CEP72: variants seen among roughly 807,000 people sequenced by gnomAD.
CEP72 encodes the protein centrosomal protein of 72 kDa.
A neutral mutation model predicts 65.7 loss-of-function variants in CEP72; 78 were observed. The observed-to-expected ratio is 1.19, with a 90% CI of 0.99 to 1.43. The LOEUF (loss-of-function observed/expected upper bound fraction) is 1.43. Among genes scored for constraint, CEP72 ranks in the 40% most tolerant of loss-of-function variants. The pLI is 0.00. For missense variants in CEP72, 914 were observed against 832.9 expected (o/e 1.10, Z -1.20); for synonymous variants, 358 against 351.7 (o/e 1.02, Z -0.20).
chr5:675,383 CGCAGAGGGTGCAGT>C, the CEP72 span, among the ~76,000 whole-genome samples: 1 of 59,032 alleles, frequency 1.7e-5, no homozygotes, highest in Non-Finnish European at 3.0e-5. Context: ...GGGGGTGCAG[CGCAGAGGGTGCAGT>C]GTGGCCAGGG....
At chr5:643,956 A>G (rs1390343961) in intron 9 of CEP72, among the ~76,000 whole-genome samples, 1 of 152,214 alleles carries the variant, frequency 6.6e-6, no homozygotes. Context: ...TGGAAGAGAC[A>G]GGGTTCCCCC....
chr5:634,306 C>A (rs1737439566), intron 5 of CEP72, among the ~76,000 whole-genome samples: 1 of 152,162 alleles, frequency 6.6e-6, no homozygotes, highest in African/African-American at 2.4e-5. Flanking sequence ...TGCAGGAAAC[C>A]CTGAGCTCAG....
intron 4 of CEP72, among the ~76,000 whole-genome samples, chr5:626,479 T>C (rs1736766633): frequency 6.6e-6 from 1 of 152,360 alleles, no homozygotes; most frequent in East Asian, 1.9e-4. Context: ...ATCTATGATG[T>C]GATCTTGTGA....
At chr5:661,430 C>T (rs1161260244), downstream of CEP72, 3 of 152,466 alleles carry the variant, frequency 2.0e-5, no homozygotes, top group East Asian at 5.6e-4. Context: ...TCACCCCCGA[C>T]AGAACCTGTC....
At chr5:613,681 T>C (rs566894046) in intron 1 of CEP72, among the ~76,000 whole-genome samples, 1 of 152,266 alleles carries the variant, frequency 6.6e-6, no homozygotes, top group East Asian at 1.9e-4. Flanking sequence ...GCTGGGGGTT[T>C]TAGAGGAACA....
At chr5:641,272 C>G in intron 9 of CEP72, 2 of 985,434 alleles carry the variant, frequency 2.0e-6, no homozygotes, top group Non-Finnish European at 2.4e-6. Context: ...TGCTGGCATC[C>G]TTAGCACAGG....
exon 3 of CEP72, chr5:665,205 C>T: frequency 6.2e-7 from 1 of 1,613,922 alleles, no homozygotes; most frequent in South Asian, 1.1e-5. Context: ...CTTGCCCTTG[C>T]CCTTGCCAGA....
At chr5:617,085 C>T (rs531416517) in intron 1 of CEP72, among the ~76,000 whole-genome samples, 50 of 152,186 alleles carry the variant, frequency 3.3e-4, no homozygotes, top group African/African-American at 9.9e-4. Context: ...AGCAGGCTTA[C>T]GGTTTTTGGT....
chr5:672,954 C>T, the CEP72 span, among the ~76,000 whole-genome samples: 4 of 152,214 alleles, frequency 2.6e-5, no homozygotes, highest in Non-Finnish European at 5.9e-5. Flanking sequence ...CTCGCAGATA[C>T]CCCGAGCTGG....
At chr5:665,650 C>G (rs1378536714) in intron 3 of CEP72, among the ~76,000 whole-genome samples, 1 of 125,698 alleles carries the variant, frequency 8.0e-6, no homozygotes, top group South Asian at 2.5e-4. Context: ...CTCCCCAGGA[C>G]CCCCCCAGGC....
downstream of CEP72, among the ~76,000 whole-genome samples, chr5:671,686 C>A (rs547635518): frequency 1.3e-5 from 2 of 152,240 alleles, no homozygotes; most frequent in Non-Finnish European, 2.9e-5. Flanking sequence ...CAGCCACAGA[C>A]GTCCATGGCC....
chr5:664,968 C>A, intron 2 of CEP72: 1 of 1,075,874 alleles, frequency 9.3e-7, no homozygotes. Context: ...AGGCCTGGGC[C>A]TGGCCGCCCC....
At position 665,432 on chromosome 5, in the gene CEP72, C is replaced by T; in HGVS notation, n.433+107C>T. ...GGGCATAAACCCTGGGATTTATGCC[C>T]CTTTTAATTCTTATTTTTACCTCTC... is the stretch of plus-strand genomic sequence containing the variant. On this transcript the variant is annotated intron_variant and non_coding_transcript_variant, in intron 3 of 4. Coordinates refer to the CEP72 transcript ENST00000514507. 7.6e-6 allele frequency: 6 copies of T among 786,944 alleles called. No homozygotes were observed. In the South Asian group the frequency reaches 1.1e-4, roughly 14 times the overall value. 48.7% of individuals were successfully genotyped at this position (786,944 alleles called of 1,614,324 possible).
At chr5:665,058 C>A in intron 2 of CEP72, 1 of 1,582,172 alleles carries the variant, frequency 6.3e-7, no homozygotes, top group South Asian at 1.1e-5. Context: ...GACAGAGTCC[C>A]TGCTCTGGGG....
rs1318488410 is a variant in CEP72, at chr5:637,626, T to C, written c.1014T>C (p.Pro338=). ...GAAAGTGCAGGAAGCGAAGAATGCCTGTTGGAAGATTCCAGACGTTTTCGG... is the reference window on the plus strand; with the variant it reads ...GAAAGTGCAGGAAGCGAAGAATGCCCGTTGGAAGATTCCAGACGTTTTCGG... The part of the protein sequence containing the change: ...APGKCRKRRM[P]VGRFQTFSDQ... Residue 338 remains proline, a synonymous_variant, in exon 7 of 12, where the codon CCT becomes CCC. Coordinates refer to ENST00000264935, the MANE Select transcript of CEP72 (RefSeq NM_018140.4). 2 of 1,613,934 alleles carry C rather than the reference T, an allele frequency of 1.2e-6. No homozygotes were observed. Among genetic ancestry groups the C allele is most frequent in the Admixed American group, 3.3e-5 (2 of 60,014 alleles).
At chr5:642,285 C>T in intron 9 of CEP72, 1 of 984,094 alleles carries the variant, frequency 1.0e-6, no homozygotes, top group Non-Finnish European at 1.2e-6. Context: ...CCTCTGGAAG[C>T]CTCTGTATTT....
intron 1 of CEP72, 119 bp downstream of exon 1, chr5:612,562 G>T (rs1369510875): frequency 1.6e-6 from 2 of 1,240,536 alleles, no homozygotes; most frequent in African/African-American, 1.6e-5. Context: ...CGCCGCGGGC[G>T]TCCGGAACGG....
At chr5:612,676 T>G (rs1579909852) in intron 1 of CEP72, 1 of 897,662 alleles carries the variant, frequency 1.1e-6, no homozygotes, top group African/African-American at 2.5e-5. Context: ...CCCCTGCCTG[T>G]CTATCGGGTC....
chr5:645,577 G>T lies in CEP72; in HGVS notation c.1666+1152G>T, dbSNP rs1738364116. ...TCCCCCATGCCCCAAAGCTGTGCACGCCAGGGTGTTGCTGTGTCTGACCTG... is the reference window on the plus strand; with the variant it reads ...TCCCCCATGCCCCAAAGCTGTGCACTCCAGGGTGTTGCTGTGTCTGACCTG... On this transcript the variant is annotated intron_variant, in intron 10 of 11. Transcript: ENST00000264935. This position sits in a 1 kb window ranked among gnomAD's most constrained non-coding sequence, Gnocchi z 4.0. Among the ~76,000 whole-genome samples, 1 of 152,010 alleles carries T rather than the reference G, an allele frequency of 6.6e-6. No homozygotes were observed. Among genetic ancestry groups the T allele is most frequent in the East Asian group, 1.9e-4 (1 of 5,194 alleles).
Sources: gnomAD v4.1 joint callset for allele counts (sites outside exome capture counted in the v4.1 genomes callset) on GRCh38, gnomAD v4.1.1 for gene constraint, Gnocchi (gnomAD v3.1) non-coding constraint, MANE v1.5 for transcripts, NCBI Gene and HGNC (gene_info 2026-07-23, HGNC 2026-07-21) for gene names.